The following USH2A variants were observed in gnomAD, a reference collection of about 807,000 sequenced individuals.
The protein encoded by USH2A is Usher syndrome 2A (autosomal recessive, mild).
Under a neutral mutation model 538.9 loss-of-function variants are expected in USH2A, and 443 were observed. The observed-to-expected ratio is 0.82, with a 90% CI of 0.76 to 0.89. The LOEUF (loss-of-function observed/expected upper bound fraction) is 0.89, where lower values mean the gene tolerates loss of function less well. Ranked by LOEUF, USH2A falls within the 40% of genes least tolerant of loss-of-function variation. The pLI is 0.00. For missense variants in USH2A, 6,633 were observed against 6,324.8 expected (o/e 1.05, Z -1.65); for synonymous variants, 2,413 against 2,273.5 (o/e 1.06, Z -1.75).
intron 64 of USH2A, among the ~76,000 whole-genome samples, chr1:215,651,267 A>T (rs1441724723): frequency 1.3e-5 from 2 of 152,222 alleles, no homozygotes; most frequent in Non-Finnish European, 2.9e-5. Flanking sequence ...AATCTTATTT[A>T]TCAAGAACCA....
chr1:215,886,754 G>A (rs1201584356), intron 41 of USH2A: 3 of 151,968 alleles, frequency 2.0e-5, no homozygotes, highest in African/African-American at 4.8e-5. Flanking sequence ...ATCAAAAGAG[G>A]GTAAAAATGT....
At chr1:215,999,910 T>C (rs1331549350) in intron 33 of USH2A, among the ~76,000 whole-genome samples, 2 of 152,118 alleles carry the variant, frequency 1.3e-5, no homozygotes, top group African/African-American at 4.8e-5. Flanking sequence ...GAGAGACCTA[T>C]TAGATTTTAG....
chr1:216,267,152 TAGTC>T (rs1382043472), intron 11 of USH2A, among the ~76,000 whole-genome samples: 1 of 151,840 alleles, frequency 6.6e-6, no homozygotes, highest in Non-Finnish European at 1.5e-5. Flanking sequence ...ACAGAAGAAA[TAGTC>T]AGGGATATGG....
intron 3 of USH2A, among the ~76,000 whole-genome samples, chr1:216,387,326 A>G (rs185959721): frequency 1.3e-5 from 2 of 152,338 alleles, no homozygotes; most frequent in East Asian, 3.9e-4. Flanking sequence ...TTGGCAATAA[A>G]AACAAACTAT....
Position 215,741,447 on chromosome 1 carries a change from G to A in USH2A, c.11639C>T (p.Ser3880Leu). ...CATCCACTTAATCTCTATGCAAGCT[G>A]ACCCCAGTGCCTTAAGAACAGGAGA... ...LNSPVLKALG[S>L]ACIEIKWMPP... Residue 3880 changes from serine to leucine, a missense_variant, in exon 60 of 72, where the codon TCA (serine) becomes TTA (leucine). Ser to Leu is a moderately radical substitution (Grantham distance 145, BLOSUM62 -2). Transcript: ENST00000307340. 6.2e-7 allele frequency: 1 copy of A among 1,613,840 alleles called. No homozygotes were observed. Among genetic ancestry groups the A allele is most frequent in the Non-Finnish European group, 8.5e-7 (1 of 1,179,986 alleles).
At chr1:216,008,845 G>A (rs1411974687) in intron 32 of USH2A, among the ~76,000 whole-genome samples, 2 of 151,766 alleles carry the variant, frequency 1.3e-5, no homozygotes, top group Non-Finnish European at 2.9e-5. Context: ...TGTTTCATCC[G>A]TGGACCCAAA....
chr1:216,351,130 G>C (rs770357789), intron 4 of USH2A, among the ~76,000 whole-genome samples: 1 of 152,124 alleles, frequency 6.6e-6, no homozygotes, highest in African/African-American at 2.4e-5. Flanking sequence ...GGGTATATCA[G>C]TGAGTAATGC....
chr1:215,632,585 C>A (rs1656318035), intron 70 of USH2A, among the ~76,000 whole-genome samples: 1 of 152,192 alleles, frequency 6.6e-6, no homozygotes, highest in Admixed American at 6.5e-5. Flanking sequence ...TGTGGGTACA[C>A]TTTCCTGTAA....
chr1:215,872,214 GCAAA>G (rs1470250375), intron 43 of USH2A, among the ~76,000 whole-genome samples: 1 of 152,080 alleles, frequency 6.6e-6, no homozygotes, highest in Non-Finnish European at 1.5e-5. Context: ...TGTGGGAATA[GCAAA>G]CAAAGAAAAA....
At chr1:216,003,348 A>T (rs1571880230) in intron 32 of USH2A, among the ~76,000 whole-genome samples, 1 of 152,268 alleles carries the variant, frequency 6.6e-6, no homozygotes, top group African/African-American at 2.4e-5. Context: ...ATGTCTTTAA[A>T]GTGAATGTGT....
At chr1:216,156,986 G>T (rs989254841) in intron 21 of USH2A, among the ~76,000 whole-genome samples, 11 of 151,308 alleles carry the variant, frequency 7.3e-5, no homozygotes, top group Admixed American at 7.3e-4. Context: ...TGATTCTCCT[G>T]CCTCAGCCTC....
intron 5 of USH2A, among the ~76,000 whole-genome samples, chr1:216,326,975 A>G (rs1158526969): frequency 1.3e-5 from 2 of 152,200 alleles, no homozygotes; most frequent in Non-Finnish European, 2.9e-5. Context: ...AAATTTTTTA[A>G]AATTCTGTGT....
Position 216,218,990 on chromosome 1 carries a change from A to ATGTG in USH2A, c.2994-1444_2994-1441dup, listed in dbSNP as rs34454018. Among the ~76,000 whole-genome samples, 11 of 150,526 alleles carry ATGTG rather than the reference A, an allele frequency of 7.3e-5. No homozygotes were observed. In the South Asian group the frequency reaches 8.4e-4, roughly 11 times the overall value. ...ATAAGAGAAAAGCTTCTCTCAATGT[A>ATGTG]TGTGTGTGTGTGTGTGTGTGTATAT... On this transcript the variant is annotated intron_variant, in intron 14 of 71. Coordinates refer to ENST00000307340, the MANE Select transcript of USH2A (RefSeq NM_206933.4).
intron 61 of USH2A, among the ~76,000 whole-genome samples, chr1:215,685,127 AC>A (rs1210275814): frequency 6.6e-6 from 1 of 152,118 alleles, no homozygotes; most frequent in Non-Finnish European, 1.5e-5. Flanking sequence ...TGGATAGAGT[AC>A]ATCCAGGCAA....
chr1:215,775,694 T>G (rs1291505449), intron 55 of USH2A, among the ~76,000 whole-genome samples: 4 of 152,192 alleles, frequency 2.6e-5, no homozygotes, highest in Non-Finnish European at 5.9e-5. Context: ...TTTGTTGTAT[T>G]GGTGGTTAAA....
intron 46 of USH2A, 35 bp from the exon 47 acceptor site, chr1:215,838,138 C>T (rs1257846213): frequency 2.0e-6 from 3 of 1,528,774 alleles, no homozygotes; most frequent in Non-Finnish European, 2.7e-6. Flanking sequence ...TAAATGCAAC[C>T]ATTTTTGAAA....
intron 32 of USH2A, among the ~76,000 whole-genome samples, chr1:216,002,354 T>C (rs12126638): frequency 0.17 from 26,407 of 152,190 alleles, 2,448 homozygotes; most frequent in Non-Finnish European, 0.21. Context: ...TCTGGTGACC[T>C]TTCTCTCTCT....
Position 215,743,219 on chromosome 1 carries a change from G to T in USH2A, c.11506C>A (p.Pro3836Thr). 6 of 1,612,508 alleles carry T rather than the reference G, an allele frequency of 3.7e-6. No homozygotes were observed. The highest frequency in any genetic ancestry group is 5.1e-6 in the Non-Finnish European group (6 of 1,179,498). ...ATCCTTATCTCATACTGTGTGAATGGAGTCAAATTTTCCAGAAGGGTGGAT... is the reference window on the plus strand; with the variant it reads ...ATCCTTATCTCATACTGTGTGAATGTAGTCAAATTTTCCAGAAGGGTGGAT... Reference protein sequence around the residue: ...HQSTLLENLTPFTQYEIRIQA... With the variant: ...HQSTLLENLTTFTQYEIRIQA... The change falls in exon 59 of 72, where the codon CCA becomes ACA. Residue 3836 changes from proline to threonine, a missense_variant. Physicochemically the swap from Pro to Thr is conservative, Grantham distance 38. Transcript: ENST00000307340.
intron 30 of USH2A, among the ~76,000 whole-genome samples, chr1:216,065,191 CTG>C (rs1386330895): frequency 1.3e-5 from 2 of 152,188 alleles, no homozygotes; most frequent in Non-Finnish European, 2.9e-5. Flanking sequence ...GGTTTACAAT[CTG>C]TGGGATCTCG....
Sources: gnomAD v4.1 joint callset for allele counts (sites outside exome capture counted in the v4.1 genomes callset) on GRCh38, gnomAD v4.1.1 for gene constraint, MANE v1.5 for transcripts, NCBI Gene and HGNC (gene_info 2026-07-23, HGNC 2026-07-21) for gene names.